The following SPATA13 variants were observed in gnomAD, a reference collection of about 807,000 sequenced individuals.
SPATA13 encodes spermatogenesis-associated protein 13.
In SPATA13, 50 loss-of-function variants were observed where a neutral mutation model predicts 104.0. That is an observed-to-expected ratio of 0.48 (90% CI 0.38 to 0.61). SPATA13 has a LOEUF of 0.61. Among genes scored for constraint, SPATA13 ranks in the 20% least tolerant of loss-of-function variants. The pLI, the probability that SPATA13 is intolerant of heterozygous loss-of-function variation, is 0.00. For missense variants in SPATA13, 1,524 were observed against 1,690.6 expected (o/e 0.90, Z 1.73); for synonymous variants, 606 against 667.5 (o/e 0.91, Z 1.42).
chr13:24,106,799 G>A (rs919314544), intron 3 of SPATA13, among the ~76,000 whole-genome samples: 2 of 152,128 alleles, frequency 1.3e-5, no homozygotes, highest in Non-Finnish European at 2.9e-5. Flanking sequence ...GTGAATAATA[G>A]GTAGTCCTGT....
At chr13:24,198,817 C>T (rs924209956) in intron 1 of SPATA13, among the ~76,000 whole-genome samples, 4 of 152,154 alleles carry the variant, frequency 2.6e-5, no homozygotes, top group Admixed American at 2.0e-4. Flanking sequence ...CCACCAGCAG[C>T]AGGTGTCAGC....
At chr13:24,283,737 G>C (rs1018089628) in intron 4 of SPATA13, among the ~76,000 whole-genome samples, 2 of 152,330 alleles carry the variant, frequency 1.3e-5, no homozygotes, top group Non-Finnish European at 2.9e-5. Flanking sequence ...GCAGATAAAG[G>C]ATGGAAGCAG....
At chr13:24,013,979 G>C (rs1876595505) in intron 2 of SPATA13, among the ~76,000 whole-genome samples, 1 of 152,174 alleles carries the variant, frequency 6.6e-6, no homozygotes, top group Non-Finnish European at 1.5e-5. Flanking sequence ...CAAGTCTGGA[G>C]TGTGCTAGAG....
At chr13:24,053,604 T>G (rs1878440184) in intron 3 of SPATA13, among the ~76,000 whole-genome samples, 2 of 152,050 alleles carry the variant, frequency 1.3e-5, no homozygotes, top group African/African-American at 4.8e-5. Flanking sequence ...TTTTTCTCTA[T>G]GGCCACTAGA....
At chr13:24,232,454 G>A (rs2138628743) in intron 2 of SPATA13, among the ~76,000 whole-genome samples, 1 of 152,310 alleles carries the variant, frequency 6.6e-6, no homozygotes, top group East Asian at 1.9e-4. Context: ...TCAGCCTTCT[G>A]GGGATTCTTT....
intron 1 of SPATA13, among the ~76,000 whole-genome samples, chr13:24,182,919 G>C (rs1369763744): frequency 6.6e-6 from 1 of 152,118 alleles, no homozygotes; most frequent in Non-Finnish European, 1.5e-5. Context: ...GCAGCTCACC[G>C]AGGGCTCACA....
intron 1 of SPATA13, among the ~76,000 whole-genome samples, chr13:24,195,505 C>T (rs1003337592): frequency 6.6e-6 from 1 of 152,100 alleles, no homozygotes; most frequent in Non-Finnish European, 1.5e-5. Flanking sequence ...CTCTATGTTT[C>T]ATATTTTTAG....
chr13:24,180,812 T>C (rs1868753286), intron 1 of SPATA13, among the ~76,000 whole-genome samples: 1 of 152,254 alleles, frequency 6.6e-6, no homozygotes, highest in Non-Finnish European at 1.5e-5. Flanking sequence ...TGGATTTTTT[T>C]TTCTATGCAG....
At chr13:24,006,108 C>A (rs922726747) in intron 2 of SPATA13, among the ~76,000 whole-genome samples, 3 of 152,150 alleles carry the variant, frequency 2.0e-5, no homozygotes, top group African/African-American at 7.2e-5. Context: ...GAGAGACAGC[C>A]ACTTTGTGAG....
At chr13:24,196,379 T>C (rs1870057323) in intron 1 of SPATA13, among the ~76,000 whole-genome samples, 1 of 152,228 alleles carries the variant, frequency 6.6e-6, no homozygotes, top group Non-Finnish European at 1.5e-5. Flanking sequence ...GTAATACCTA[T>C]TTTTAGTATG....
chr13:24,237,124 G>A (rs9511163), intron 2 of SPATA13, among the ~76,000 whole-genome samples: 17,458 of 152,210 alleles, frequency 0.11, 1,079 homozygotes, highest in Non-Finnish European at 0.13. Context: ...TTCTGAGGCC[G>A]AGGTGGGTGA....
At chr13:24,032,794 C>G (rs966863187) in intron 3 of SPATA13, among the ~76,000 whole-genome samples, 2 of 152,196 alleles carry the variant, frequency 1.3e-5, no homozygotes, top group Admixed American at 1.3e-4. Flanking sequence ...TGGCCTTACC[C>G]TAGTGGCTTG....
At chr13:24,237,935 TTAAA>T (rs1872648320) in intron 2 of SPATA13, among the ~76,000 whole-genome samples, 1 of 148,308 alleles carries the variant, frequency 6.7e-6, no homozygotes, top group East Asian at 1.9e-4. Context: ...ACATACATGT[TTAAA>T]TATGCAATAT....
intron 3 of SPATA13, among the ~76,000 whole-genome samples, chr13:24,093,930 C>T (rs1017475400): frequency 1.4e-5 from 2 of 144,872 alleles, no homozygotes; most frequent in African/African-American, 4.9e-5. Flanking sequence ...GACTATATAC[C>T]TCAGGCCTCT....
At chr13:24,258,634 A>T (rs190974178) in intron 4 of SPATA13, among the ~76,000 whole-genome samples, 19 of 151,592 alleles carry the variant, frequency 1.3e-4, no homozygotes, top group Admixed American at 1.2e-3. Flanking sequence ...GCACCACTGC[A>T]CCCAGCCTGG....
At chr13:24,019,264 A>G (rs1876863337) in intron 3 of SPATA13, among the ~76,000 whole-genome samples, 1 of 151,082 alleles carries the variant, frequency 6.6e-6, no homozygotes, top group Admixed American at 6.6e-5. Context: ...AATTTTTTGT[A>G]TTTTTAGTAG....
At chr13:24,260,920 A>G (rs774577431) in intron 4 of SPATA13, among the ~76,000 whole-genome samples, 12 of 152,226 alleles carry the variant, frequency 7.9e-5, no homozygotes, top group Non-Finnish European at 1.3e-4. Context: ...AGTTATGTTC[A>G]TGGCATGCGT....
At chr13:23,981,921 C>G (rs1381209187) in intron 1 of SPATA13, among the ~76,000 whole-genome samples, 1 of 152,166 alleles carries the variant, frequency 6.6e-6, no homozygotes, top group Non-Finnish European at 1.5e-5. Flanking sequence ...TCACGTATTT[C>G]TAAAATCAGA....
chr13:23,985,983 C>G (rs564433560), intron 2 of SPATA13, among the ~76,000 whole-genome samples: 59 of 152,308 alleles, frequency 3.9e-4, no homozygotes, highest in East Asian at 2.7e-3. Flanking sequence ...ACCCGCGGAC[C>G]TCAGCTCTTC....
Sources: gnomAD v4.1 joint callset for allele counts (sites outside exome capture counted in the v4.1 genomes callset) on GRCh38, gnomAD v4.1.1 for gene constraint, MANE v1.5 for transcripts, NCBI Gene and HGNC (gene_info 2026-07-23, HGNC 2026-07-21) for gene names.